TENM2: variants seen among roughly 807,000 people sequenced by gnomAD.
TENM2 encodes the protein teneurin-2.
In TENM2, 52 loss-of-function variants were observed where a neutral mutation model predicts 245.2. The observed-to-expected ratio is 0.21, with a 90% CI of 0.17 to 0.27. The LOEUF (loss-of-function observed/expected upper bound fraction) is 0.27, where lower values mean the gene tolerates loss of function less well. Among genes scored for constraint, TENM2 ranks in the 10% least tolerant of loss-of-function variants. The probability of loss-of-function intolerance (pLI) is 1.00; values close to 1 mark genes in which losing one functional copy is unlikely to be tolerated. For missense variants in TENM2, 3,046 were observed against 3,666.8 expected, an observed-to-expected ratio of 0.83 and a Z score of 4.37; for synonymous variants, 1,363 against 1,438.9, an observed-to-expected ratio of 0.95 and a Z score of 1.19.
At chr5:167,291,014 C>T (rs1754599427) in intron 1 of TENM2, among the ~76,000 whole-genome samples, 2 of 152,186 alleles carry the variant, frequency 1.3e-5, no homozygotes, top group South Asian at 4.1e-4. Flanking sequence ...GCTTACTACC[C>T]TTCTAGGAAT....
chr5:167,391,676 A>G (rs937795442), intron 2 of TENM2, among the ~76,000 whole-genome samples: 1 of 150,242 alleles, frequency 6.7e-6, no homozygotes, highest in African/African-American at 2.4e-5. Flanking sequence ...AACTTTAGCC[A>G]CTGGATGGAT....
the TENM2 span, among the ~76,000 whole-genome samples, chr5:167,136,791 A>G: frequency 6.6e-6 from 1 of 152,176 alleles, no homozygotes; most frequent in Non-Finnish European, 1.5e-5. Flanking sequence ...TCCATGTATC[A>G]TATGATAATG....
intron 2 of TENM2, among the ~76,000 whole-genome samples, chr5:167,610,582 TA>T (rs1162119772): frequency 1.3e-5 from 2 of 152,146 alleles, no homozygotes; most frequent in Non-Finnish European, 2.9e-5. Flanking sequence ...AGCAAATATA[TA>T]TTACTTCTTA....
chr5:168,043,494 C>T (rs1788370544), intron 5 of TENM2, among the ~76,000 whole-genome samples: 1 of 152,124 alleles, frequency 6.6e-6, no homozygotes, highest in African/African-American at 2.4e-5. Flanking sequence ...AATATAGTGG[C>T]CCAAAGTATG....
At chr5:167,892,388 G>A (rs1233035782) in intron 3 of TENM2, among the ~76,000 whole-genome samples, 1 of 152,166 alleles carries the variant, frequency 6.6e-6, no homozygotes, top group Non-Finnish European at 1.5e-5. Context: ...ACATTCCCAT[G>A]TTACAATGCA....
chr5:168,069,551 A>T (rs574220257), intron 7 of TENM2, among the ~76,000 whole-genome samples: 1 of 152,344 alleles, frequency 6.6e-6, no homozygotes, highest in East Asian at 1.9e-4. Context: ...TCTGAGGGCC[A>T]CAATGTAACA....
chr5:167,602,193 C>T (rs1471769849), intron 2 of TENM2, among the ~76,000 whole-genome samples: 2 of 152,118 alleles, frequency 1.3e-5, no homozygotes, highest in African/African-American at 2.4e-5. Context: ...AATAATAGAG[C>T]GTTTTCAGAC....
intron 3 of TENM2, among the ~76,000 whole-genome samples, chr5:167,941,595 C>T (rs1010304261): frequency 1.3e-5 from 2 of 151,674 alleles, no homozygotes; most frequent in Non-Finnish European, 2.9e-5. Flanking sequence ...ACCTGTAATC[C>T]CAGCACTCTG....
intron 6 of TENM2, among the ~76,000 whole-genome samples, chr5:168,054,392 A>G (rs1723068569): frequency 1.3e-5 from 2 of 152,256 alleles, no homozygotes; most frequent in Non-Finnish European, 1.5e-5. Flanking sequence ...GTTAAACAGA[A>G]CCCTCAGATG....
chr5:168,120,241 T>A (rs1444729563), intron 10 of TENM2, among the ~76,000 whole-genome samples: 1 of 152,212 alleles, frequency 6.6e-6, no homozygotes, highest in Non-Finnish European at 1.5e-5. Flanking sequence ...GTTCTCTATA[T>A]AATTTTTCCT....
At chr5:168,137,546 C>G (rs957767174) in intron 12 of TENM2, among the ~76,000 whole-genome samples, 4 of 152,216 alleles carry the variant, frequency 2.6e-5, no homozygotes, top group Admixed American at 2.6e-4. Context: ...CACATCCTGT[C>G]TAATGACACA....
At chr5:168,088,956 A>G (rs1336304229) in intron 7 of TENM2, among the ~76,000 whole-genome samples, 1 of 152,176 alleles carries the variant, frequency 6.6e-6, no homozygotes, top group Non-Finnish European at 1.5e-5. Context: ...TATGGAAGGG[A>G]AAGTGGAGAG....
the TENM2 span, among the ~76,000 whole-genome samples, chr5:167,083,419 TC>T: frequency 6.6e-6 from 1 of 152,190 alleles, no homozygotes; most frequent in Admixed American, 6.5e-5. Context: ...AAATAGTTTT[TC>T]TGGATGAATG....
chr5:168,202,770 T>C (rs1332292286), intron 17 of TENM2, among the ~76,000 whole-genome samples: 1 of 152,130 alleles, frequency 6.6e-6, no homozygotes, highest in Non-Finnish European at 1.5e-5. Flanking sequence ...ATCTCAGGAA[T>C]TTTTTAAAGC....
chr5:167,508,800 T>C (rs1248735136), intron 2 of TENM2, among the ~76,000 whole-genome samples: 1 of 152,162 alleles, frequency 6.6e-6, no homozygotes, highest in African/African-American at 2.4e-5. Flanking sequence ...AGCTCAATTT[T>C]TCCCTAATAT....
chr5:168,140,692 A>G (rs1169879578), intron 12 of TENM2, among the ~76,000 whole-genome samples: 1 of 152,186 alleles, frequency 6.6e-6, no homozygotes, highest in Non-Finnish European at 1.5e-5. Context: ...AAAAACTTCA[A>G]ATGGTACCTT....
At chr5:167,624,938 A>C (rs1778401853) in intron 2 of TENM2, among the ~76,000 whole-genome samples, 1 of 152,186 alleles carries the variant, frequency 6.6e-6, no homozygotes, top group East Asian at 1.9e-4. Flanking sequence ...ATTCTGTTTC[A>C]TTAAGAAACT....
chr5:167,683,891 T>G lies in TENM2; in HGVS notation c.503-192095T>G, dbSNP rs1756904374. On this transcript the variant is annotated intron_variant, in intron 2 of 28. Transcript: ENST00000518659. ...ATTGGAAGTATTTTTCAGTTAAAAA[T>G]GCGTGTAGTACTTGCATAAAAGGAA... is the stretch of plus-strand genomic sequence containing the variant. Among the ~76,000 whole-genome samples the G allele has an allele frequency of 2.0e-5, 3 of 152,312 alleles. No individual in the cohort carries two copies. In the South Asian group the frequency reaches 6.2e-4, roughly 32 times the overall value.
intron 2 of TENM2, among the ~76,000 whole-genome samples, chr5:167,497,858 C>T (rs1451192808): frequency 3.3e-5 from 5 of 151,906 alleles, no homozygotes; most frequent in African/African-American, 4.8e-5. Context: ...ACGTGGAGGA[C>T]CAAAGTTTGA....
Sources: allele counts gnomAD v4.1 joint callset (sites outside exome capture counted in the v4.1 genomes callset), GRCh38; gene constraint gnomAD v4.1.1; transcripts MANE v1.5; gene names NCBI Gene and HGNC (gene_info 2026-07-23, HGNC 2026-07-21).